The following CDKAL1 variants were observed in gnomAD, a reference collection of about 807,000 sequenced individuals.
CDKAL1 encodes threonylcarbamoyladenosine tRNA methylthiotransferase.
Under a neutral mutation model 68.2 loss-of-function variants are expected in CDKAL1, and 32 were observed. The observed-to-expected ratio is 0.47, with a 90% CI of 0.35 to 0.63. The LOEUF (loss-of-function observed/expected upper bound fraction) is 0.63, where lower values mean the gene tolerates loss of function less well. Among genes scored for constraint, CDKAL1 ranks in the 30% least tolerant of loss-of-function variants. The pLI is 0.00. For synonymous variants in CDKAL1, 234 were observed against 244.3 expected (o/e 0.96, Z 0.39); for missense variants, 606 against 696.7 (o/e 0.87, Z 1.47).
chr6:20,575,441 CAAAAAA>C (rs57442477), intron 4 of CDKAL1, among the ~76,000 whole-genome samples: 1 of 94,338 alleles, frequency 1.1e-5, no homozygotes, highest in Non-Finnish European at 2.2e-5. Context: ...AGGGGCACCA[CAAAAAA>C]AAAAAAAAAA....
intron 5 of CDKAL1, among the ~76,000 whole-genome samples, chr6:20,684,765 A>G (rs1770544370): frequency 6.6e-6 from 1 of 152,200 alleles, no homozygotes; most frequent in African/African-American, 2.4e-5. Context: ...TCCTGATGAC[A>G]TATGATGTGG....
intron 4 of CDKAL1, among the ~76,000 whole-genome samples, chr6:20,612,608 T>G (rs919134715): frequency 1.3e-5 from 2 of 152,120 alleles, no homozygotes; most frequent in African/African-American, 4.8e-5. Context: ...ATTTTTTTTT[T>G]GCTGTTGAGT....
chr6:20,572,248 T>TTA (rs1764734446), intron 4 of CDKAL1, among the ~76,000 whole-genome samples: 1 of 152,150 alleles, frequency 6.6e-6, no homozygotes, highest in South Asian at 2.1e-4. Flanking sequence ...CTTGTGACAA[T>TTA]TAGAGGTTGG....
At chr6:20,548,972 G>A (rs1250592527) in intron 4 of CDKAL1, among the ~76,000 whole-genome samples, 3 of 152,096 alleles carry the variant, frequency 2.0e-5, no homozygotes, top group African/African-American at 4.8e-5. Flanking sequence ...AACATCTTAC[G>A]TAGTTGTAAT....
chr6:20,598,903 C>T lies in CDKAL1; in HGVS notation c.286+50198C>T, dbSNP rs149875649. On this transcript the variant is annotated intron_variant, in intron 4 of 15. Coordinates refer to ENST00000274695, the MANE Select transcript of CDKAL1 (RefSeq NM_017774.3). Reference sequence around the variant, plus strand: ...TAAAATATCTTTAATGCTTTTTAGTCGGCCTAAATTTAATTGTAGTTTGTT... The same window carrying T: ...TAAAATATCTTTAATGCTTTTTAGTTGGCCTAAATTTAATTGTAGTTTGTT... Among the ~76,000 whole-genome samples, 325 of 151,866 alleles carry T rather than the reference C, an allele frequency of 2.1e-3. 2 individuals are homozygous for T. Among genetic ancestry groups the T allele is most frequent in the Middle Eastern group, 6.8e-3 (2 of 294 alleles).
intron 9 of CDKAL1, among the ~76,000 whole-genome samples, chr6:20,918,983 T>G (rs903908326): frequency 1.1e-4 from 17 of 152,234 alleles, no homozygotes; most frequent in African/African-American, 4.1e-4. Flanking sequence ...GTGTTCTCAC[T>G]ACAGAAGAGG....
In CDKAL1 at chr6:20,740,558, TA is replaced by T. The variant is rs57145642; in HGVS notation, c.468+950del. ...TTTGTTTAAAAAGGCTACATTAATT[TA>T]AAAAAATATGTAAAAACATCATATG... On this transcript the variant is annotated intron_variant, in intron 6 of 15. Coordinates refer to ENST00000274695, the MANE Select transcript of CDKAL1 (RefSeq NM_017774.3). Among the ~76,000 whole-genome samples, 502 of 152,222 alleles carry T rather than the reference TA, an allele frequency of 3.3e-3. 2 individuals are homozygous for T. The highest frequency in any genetic ancestry group is 0.011 in the African/African-American group (458 of 41,544).
At chr6:20,706,830 T>C (rs1771618773) in intron 5 of CDKAL1, among the ~76,000 whole-genome samples, 1 of 152,026 alleles carries the variant, frequency 6.6e-6, no homozygotes, top group Admixed American at 6.6e-5. Flanking sequence ...CTGTGTGTCA[T>C]AAAGATGAAA....
chr6:21,110,108 C>A (rs1001521682), intron 13 of CDKAL1, among the ~76,000 whole-genome samples: 2 of 152,142 alleles, frequency 1.3e-5, no homozygotes, highest in African/African-American at 2.4e-5. Flanking sequence ...TCCTTTTGAT[C>A]TTTAAGATTG....
intron 13 of CDKAL1, among the ~76,000 whole-genome samples, chr6:21,184,408 T>A (rs956905343): frequency 3.0e-4 from 45 of 152,124 alleles, no homozygotes; most frequent in African/African-American, 1.1e-3. Flanking sequence ...TTGGCCAGGC[T>A]GGTCTCTAAC....
At chr6:20,932,047 C>T (rs1160116363) in intron 9 of CDKAL1, among the ~76,000 whole-genome samples, 3 of 152,134 alleles carry the variant, frequency 2.0e-5, no homozygotes, top group Admixed American at 6.5e-5. Flanking sequence ...TTCTTTCAAC[C>T]GTAGTGGTAA....
chr6:21,018,335 G>A lies in CDKAL1; in HGVS notation c.1055+17963G>A, dbSNP rs373864040. On this transcript the variant is annotated intron_variant, in intron 11 of 15. Coordinates refer to ENST00000274695, the MANE Select transcript of CDKAL1 (RefSeq NM_017774.3). ...AATGTATGCAGTCAGGCTTTGTTTG[G>A]TCCACTCTGGTATACTTATAGAGAG... Among the ~76,000 whole-genome samples, 4 of 152,160 alleles carry A rather than the reference G, an allele frequency of 2.6e-5. No individual in the cohort carries two copies. In the South Asian group the frequency reaches 6.2e-4, roughly 24 times the overall value.
chr6:21,021,859 G>A (rs536378532), intron 11 of CDKAL1, among the ~76,000 whole-genome samples: 1 of 152,168 alleles, frequency 6.6e-6, no homozygotes, highest in South Asian at 2.1e-4. Flanking sequence ...TACTTTCCTG[G>A]GACACCTTAT....
At chr6:20,638,035 A>G (rs566208460) in intron 4 of CDKAL1, among the ~76,000 whole-genome samples, 2 of 152,316 alleles carry the variant, frequency 1.3e-5, no homozygotes, top group African/African-American at 2.4e-5. Flanking sequence ...TAATACCTGT[A>G]TGTTTGCAGT....
chr6:21,099,435 C>T (rs9368275), intron 12 of CDKAL1, among the ~76,000 whole-genome samples: 37,939 of 149,366 alleles, frequency 0.25, 4,832 homozygotes, highest in South Asian at 0.33. Context: ...TTTTATTTTT[C>T]TTTTTCCAGC....
At chr6:20,837,564 G>T (rs1165246256) in intron 8 of CDKAL1, among the ~76,000 whole-genome samples, 1 of 152,080 alleles carries the variant, frequency 6.6e-6, no homozygotes, top group African/African-American at 2.4e-5. Flanking sequence ...GGCTTAGTCA[G>T]ATTTTCAGAT....
chr6:21,014,995 A>C (rs1345780223), intron 11 of CDKAL1, among the ~76,000 whole-genome samples: 1 of 152,186 alleles, frequency 6.6e-6, no homozygotes, highest in East Asian at 1.9e-4. Flanking sequence ...TGTAGTATGT[A>C]TGCAGCAATT....
At chr6:20,792,970 T>C (rs1204834162) in intron 8 of CDKAL1, among the ~76,000 whole-genome samples, 1 of 152,188 alleles carries the variant, frequency 6.6e-6, no homozygotes, top group Non-Finnish European at 1.5e-5. Context: ...GGGGAATGTA[T>C]CAGACTTGTT....
intron 13 of CDKAL1, among the ~76,000 whole-genome samples, chr6:21,142,734 A>G (rs1204648752): frequency 1.3e-5 from 2 of 152,262 alleles, no homozygotes; most frequent in African/African-American, 4.8e-5. Flanking sequence ...GTAATACTGC[A>G]GCCTTAAAGA....
Sources: allele counts gnomAD v4.1 joint callset (sites outside exome capture counted in the v4.1 genomes callset), GRCh38; gene constraint gnomAD v4.1.1; transcripts MANE v1.5; gene names NCBI Gene and HGNC (gene_info 2026-07-23, HGNC 2026-07-21).